The following CACNA1C variants were observed in gnomAD, a reference collection of about 807,000 sequenced individuals.
CACNA1C encodes voltage-dependent L-type calcium channel subunit alpha-1C.
A neutral mutation model predicts 229.0 loss-of-function variants in CACNA1C; 30 were observed. The ratio of observed to expected loss-of-function variants is 0.13; its 90% CI spans 0.10 to 0.18. The LOEUF (loss-of-function observed/expected upper bound fraction) is 0.18, where lower values mean the gene tolerates loss of function less well. CACNA1C is among the 10% of genes least tolerant of loss of function. CACNA1C has a pLI of 1.00. For missense variants in CACNA1C, 1,658 were observed against 2,845.0 expected (o/e 0.58, Z 9.49); for synonymous variants, 1,114 against 1,132.5 (o/e 0.98, Z 0.33).
intron 3 of CACNA1C, among the ~76,000 whole-genome samples, chr12:2,406,170 C>CACT (rs769888511): frequency 6.6e-5 from 10 of 152,166 alleles, no homozygotes; most frequent in South Asian, 2.1e-4. Flanking sequence ...ATTTCCCTTG[C>CACT]ACTACTCTCA....
At chr12:2,255,794 C>G (rs2077277599) in intron 3 of CACNA1C, among the ~76,000 whole-genome samples, 1 of 152,294 alleles carries the variant, frequency 6.6e-6, no homozygotes, top group African/African-American at 2.4e-5. Context: ...TAGACCTGAC[C>G]CTGACCTTAC....
intron 3 of CACNA1C, among the ~76,000 whole-genome samples, chr12:2,194,301 A>G (rs1299536712): frequency 8.7e-6 from 1 of 115,298 alleles, no homozygotes; most frequent in Non-Finnish European, 1.8e-5. Context: ...CTCCTCCTAC[A>G]CCTCCTCTGC....
At chr12:2,480,641 T>C (rs547804466) in intron 5 of CACNA1C, among the ~76,000 whole-genome samples, 1 of 152,340 alleles carries the variant, frequency 6.6e-6, no homozygotes, top group East Asian at 1.9e-4. Flanking sequence ...CTTCCTGTCA[T>C]GGCAAACTCT....
chr12:2,380,787 G>T (rs1036246929), intron 3 of CACNA1C, among the ~76,000 whole-genome samples: 12 of 152,184 alleles, frequency 7.9e-5, no homozygotes, highest in African/African-American at 2.9e-4. Flanking sequence ...TAGAGATAAA[G>T]CCTTAAATAA....
intron 3 of CACNA1C, among the ~76,000 whole-genome samples, chr12:2,418,803 G>A (rs1444913888): frequency 1.3e-5 from 2 of 152,120 alleles, no homozygotes; most frequent in Admixed American, 6.5e-5. Flanking sequence ...GCCAGGTTTA[G>A]CCTCAGATGC....
chr12:2,161,389 A>G (rs919884398), intron 3 of CACNA1C, among the ~76,000 whole-genome samples: 2 of 152,120 alleles, frequency 1.3e-5, no homozygotes, highest in Non-Finnish European at 2.9e-5. Flanking sequence ...AGGGGCACAG[A>G]GAGTGGTGTG....
At chr12:2,523,900 C>T (rs2099814278) in intron 9 of CACNA1C, among the ~76,000 whole-genome samples, 2 of 152,170 alleles carry the variant, frequency 1.3e-5, no homozygotes. Flanking sequence ...CTCACCCACT[C>T]CACGCTTCCT....
intron 14 of CACNA1C, among the ~76,000 whole-genome samples, chr12:2,582,052 C>G (rs555474879): frequency 7.2e-5 from 11 of 151,880 alleles, no homozygotes; most frequent in Non-Finnish European, 1.3e-4. Context: ...AGGAGAATCT[C>G]TTGAACCCAG....
intron 10 of CACNA1C, chr12:2,550,418 T>C: frequency 1.4e-6 from 1 of 738,672 alleles, no homozygotes; most frequent in Non-Finnish European, 2.0e-6. Context: ...GTTAGGGCCC[T>C]GAGTCCTGCT....
chr12:2,636,193 T>G (rs535072965), intron 30 of CACNA1C, among the ~76,000 whole-genome samples: 61 of 152,262 alleles, frequency 4.0e-4, no homozygotes, highest in African/African-American at 1.4e-3. Context: ...CACATTAAAA[T>G]CTATGCAGAG....
intron 3 of CACNA1C, among the ~76,000 whole-genome samples, chr12:2,140,875 C>T (rs958661173): frequency 6.6e-6 from 1 of 151,420 alleles, no homozygotes; most frequent in Non-Finnish European, 1.5e-5. Flanking sequence ...CAACTGGCAA[C>T]TTCATACACA....
At position 1,990,540 on chromosome 12, in the gene CACNA1C, AT is replaced by A. The variant is rs532736115; in HGVS notation, c.139+19349del. 5.1e-3 allele frequency among the ~76,000 whole-genome samples: 768 copies of A among 150,308 alleles called. 6 individuals carry two copies. Among genetic ancestry groups the A allele is most frequent in the African/African-American group, 0.017 (697 of 41,014 alleles). On this transcript the variant is annotated intron_variant, in intron 1 of 46. Coordinates refer to the CACNA1C transcript ENST00000682462. ...TACATTCATCCAATTCAAGAAAGGG[AT>A]TTTTTTTTTCTCTCCTAATGAATCT...
intron 11 of CACNA1C, among the ~76,000 whole-genome samples, chr12:2,565,447 C>A (rs886207716): frequency 8.0e-4 from 118 of 147,540 alleles, no homozygotes; most frequent in African/African-American, 2.9e-3. Context: ...GCAGTCCGGC[C>A]TGGGCGACAG....
In CACNA1C at chr12:2,669,364, T is replaced by C. The variant is rs117547478; in HGVS notation, c.4726+329T>C. On this transcript the variant is annotated intron_variant, in intron 38 of 46. Coordinates refer to ENST00000399655, the MANE Select transcript of CACNA1C (RefSeq NM_000719.7). ...AAAAAAAAAATTGCAAAATACTCAA[T>C]GTTTTAAGAAAGTTTACGAATATGT... is the stretch of plus-strand genomic sequence containing the variant. Among the ~76,000 whole-genome samples, 797 of 152,114 alleles carry C rather than the reference T, an allele frequency of 5.2e-3. 3 individuals carry two copies. The highest frequency in any genetic ancestry group is 9.0e-3 in the Non-Finnish European group (615 of 67,988).
rs568286241 is a variant in CACNA1C, at chr12:2,649,692, T to G, written c.3945+1185T>G. Reference sequence around the variant, plus strand: ...TTGGCGTTTTTTGGGTTTTTTTGTTTGTTTATTTTGTTTTTTTAACTGAGC... The same window carrying G: ...TTGGCGTTTTTTGGGTTTTTTTGTTGGTTTATTTTGTTTTTTTAACTGAGC... On this transcript the variant is annotated intron_variant, in intron 31 of 46. Coordinates refer to ENST00000399655, the MANE Select transcript of CACNA1C (RefSeq NM_000719.7). The surrounding 1 kb of genome is among the most constrained non-coding windows in gnomAD (Gnocchi z 4.4). 4.0e-5 allele frequency among the ~76,000 whole-genome samples: 6 copies of G among 151,636 alleles called. No homozygotes were observed. The highest frequency in any genetic ancestry group is 8.8e-5 in the Non-Finnish European group (6 of 67,990).
At chr12:2,438,358 AATG>A (rs1236589482) in intron 3 of CACNA1C, among the ~76,000 whole-genome samples, 1 of 71,708 alleles carries the variant, frequency 1.4e-5, no homozygotes, top group Admixed American at 1.5e-4. Flanking sequence ...TGGTGGTGGT[AATG>A]ATGGTGGTGG....
At chr12:2,269,099 C>T (rs1299926256) in intron 3 of CACNA1C, among the ~76,000 whole-genome samples, 2 of 152,304 alleles carry the variant, frequency 1.3e-5, no homozygotes, top group East Asian at 1.9e-4. Context: ...TGATTAAATA[C>T]TCATGCTTTG....
intron 1 of CACNA1C, among the ~76,000 whole-genome samples, chr12:2,040,154 ATTT>A (rs35226766): frequency 6.7e-6 from 1 of 148,546 alleles, no homozygotes; most frequent in South Asian, 2.1e-4. Context: ...AACTCCATCT[ATTT>A]TTTTTTTGTT....
At position 2,596,013 on chromosome 12, in the gene CACNA1C, G is replaced by A. The variant is rs587780877; in HGVS notation, c.2793+10G>A. On this transcript the variant is annotated intron_variant, in intron 20 of 46. Coordinates refer to ENST00000399655, the MANE Select transcript of CACNA1C (RefSeq NM_000719.7). ...CTCCTTCAGGAACCATGTATGCATCGCCTGTGTCTTCTGCACTCCTTCCCC... is the reference window on the plus strand; with the variant it reads ...CTCCTTCAGGAACCATGTATGCATCACCTGTGTCTTCTGCACTCCTTCCCC... 20 of 1,607,764 alleles carry A rather than the reference G, an allele frequency of 1.2e-5. No homozygotes were observed. The highest frequency in any genetic ancestry group is 3.4e-5 in the Admixed American group (2 of 59,684).
Sources: allele counts gnomAD v4.1 joint callset (sites outside exome capture counted in the v4.1 genomes callset), GRCh38; gene constraint gnomAD v4.1.1; non-coding constraint Gnocchi (gnomAD v3.1); transcripts MANE v1.5; gene names NCBI Gene and HGNC (gene_info 2026-07-23, HGNC 2026-07-21).